MALRD1: variants seen among roughly 807,000 people sequenced by gnomAD.
MALRD1 encodes the protein MAM and LDL receptor class A domain containing 1.
In MALRD1, 247 loss-of-function variants were observed where a neutral mutation model predicts 242.1. The observed-to-expected ratio is 1.02, with a 90% CI of 0.92 to 1.13. The LOEUF is 1.13. Ranked by LOEUF, MALRD1 falls within the 50% of genes most tolerant of loss-of-function variation. MALRD1 has a pLI of 0.00. For missense variants in MALRD1, 2,989 were observed against 2,533.1 expected, an observed-to-expected ratio of 1.18 and a Z score of -3.86; for synonymous variants, 995 against 866.6, an observed-to-expected ratio of 1.15 and a Z score of -2.60.
At chr10:19,422,469 A>G (rs1056556301) in intron 28 of MALRD1, among the ~76,000 whole-genome samples, 27 of 152,220 alleles carry the variant, frequency 1.8e-4, no homozygotes, top group African/African-American at 6.3e-4. Context: ...GGCTAGTTAG[A>G]CAAAATGTAA....
intron 26 of MALRD1, among the ~76,000 whole-genome samples, chr10:19,364,730 T>C (rs1263271233): frequency 2.0e-5 from 3 of 152,164 alleles, no homozygotes; most frequent in Non-Finnish European, 4.4e-5. Context: ...CATATCCCAA[T>C]GAACTGAATT....
At chr10:19,235,058 CCA>C (rs1421673432) in intron 18 of MALRD1, among the ~76,000 whole-genome samples, 3 of 152,152 alleles carry the variant, frequency 2.0e-5, no homozygotes, top group African/African-American at 7.2e-5. Flanking sequence ...GAGGGCTAGA[CCA>C]GTAGCCAGAT....
chr10:19,373,407 T>A (rs1037982969), intron 26 of MALRD1, among the ~76,000 whole-genome samples: 1 of 151,894 alleles, frequency 6.6e-6, no homozygotes, highest in African/African-American at 2.4e-5. Context: ...TAATTCCAGC[T>A]ACTCTGGAGG....
intron 5 of MALRD1, 117 bp from the exon 6 acceptor site, chr10:19,123,375 T>G (rs182572716): frequency 2.0e-4 from 86 of 431,642 alleles, no homozygotes; most frequent in African/African-American, 1.7e-3. Context: ...GATGATACCA[T>G]AAAGAGAAAT....
At chr10:19,619,401 C>G (rs1839305644) in intron 36 of MALRD1, among the ~76,000 whole-genome samples, 1 of 152,010 alleles carries the variant, frequency 6.6e-6, no homozygotes, top group Non-Finnish European at 1.5e-5. Context: ...TCAGCCCTAG[C>G]TATCTAAAAA....
intron 33 of MALRD1, among the ~76,000 whole-genome samples, chr10:19,588,715 T>C (rs562944077): frequency 1.3e-5 from 2 of 152,334 alleles, no homozygotes; most frequent in Non-Finnish European, 2.9e-5. Context: ...CAACCTCTGC[T>C]CACTGCAACC....
At chr10:19,702,026 C>T (rs1191744206) in intron 38 of MALRD1, among the ~76,000 whole-genome samples, 2 of 151,928 alleles carry the variant, frequency 1.3e-5, no homozygotes, top group Non-Finnish European at 2.9e-5. Flanking sequence ...TGGCTTTGTC[C>T]TTTAGATTAA....
At chr10:19,459,663 A>G (rs1317627342) in intron 29 of MALRD1, among the ~76,000 whole-genome samples, 4 of 152,104 alleles carry the variant, frequency 2.6e-5, no homozygotes, top group African/African-American at 9.7e-5. Flanking sequence ...GTATTCAAGT[A>G]AACCATTTGT....
At chr10:19,048,189 A>G (rs539550460), upstream of MALRD1, among the ~76,000 whole-genome samples, 19 of 152,174 alleles carry the variant, frequency 1.2e-4, no homozygotes, top group Non-Finnish European at 2.8e-4. Context: ...AGGATATTTG[A>G]GCTCTAATTT....
At chr10:19,133,196 G>A (rs1833184061) in intron 8 of MALRD1, among the ~76,000 whole-genome samples, 3 of 152,062 alleles carry the variant, frequency 2.0e-5, no homozygotes. Flanking sequence ...GTAAAGGCTT[G>A]TTACTACACT....
chr10:19,222,248 A>C (rs1298376157), intron 18 of MALRD1, among the ~76,000 whole-genome samples: 1 of 152,040 alleles, frequency 6.6e-6, no homozygotes, highest in Non-Finnish European at 1.5e-5. Context: ...GATACTGCCA[A>C]GCCCCCTCAC....
At chr10:19,585,413 C>A (rs1159811727) in intron 33 of MALRD1, among the ~76,000 whole-genome samples, 1 of 151,980 alleles carries the variant, frequency 6.6e-6, no homozygotes, top group Non-Finnish European at 1.5e-5. Flanking sequence ...TCTTTTAGGG[C>A]AGGCCTGGTG....
intron 34 of MALRD1, among the ~76,000 whole-genome samples, chr10:19,597,919 T>G (rs942857199): frequency 2.0e-5 from 3 of 152,176 alleles, no homozygotes; most frequent in African/African-American, 7.2e-5. Flanking sequence ...TGAAGATTGT[T>G]GCAGGAGCAG....
chr10:19,502,510 T>C (rs1205218113), intron 31 of MALRD1, among the ~76,000 whole-genome samples: 1 of 152,156 alleles, frequency 6.6e-6, no homozygotes, highest in Non-Finnish European at 1.5e-5. Context: ...TTATAAAATC[T>C]TATTATAAAC....
At chr10:19,429,761 C>T (rs1401822627) in intron 28 of MALRD1, among the ~76,000 whole-genome samples, 2 of 152,170 alleles carry the variant, frequency 1.3e-5, no homozygotes, top group South Asian at 2.1e-4. Flanking sequence ...TTGATCAGTT[C>T]CATTAATGAA....
At position 19,136,711 on chromosome 10, in the gene MALRD1, C is replaced by T. The variant is rs903879816; in HGVS notation, c.1341C>T (p.Ile447=). Residue 447 remains isoleucine, a synonymous_variant, in exon 10 of 40, where the codon ATC becomes ATT. Transcript: ENST00000454679. ...TCCCTTGCACTAGTGGCCAGTGCAT[C>T]GCCAAAGAATCTGTCTGTGACTCTC... ...DEFPCTSGQC[I]AKESVCDSRQ... is the part of the protein sequence containing the mutation. The T allele has an allele frequency of 3.2e-6, 4 of 1,231,676 alleles. No individual in the cohort carries two copies. The highest frequency in any genetic ancestry group is 4.2e-5 in the Admixed American group (1 of 23,706). The allele number at this position is 1,231,676 out of a possible 1,614,324, so 76.3% of individuals were successfully genotyped here.
rs558041960 is a variant in MALRD1, at chr10:19,096,205, A to G, written c.598-7774A>G. On this transcript the variant is annotated intron_variant, in intron 4 of 39. Transcript: ENST00000454679. ...ACGTCCTTGTTTTGCTCAGCTTCCTATTCTCAAGTGATACATCCTGAGTTC... is the reference window on the plus strand; with the variant it reads ...ACGTCCTTGTTTTGCTCAGCTTCCTGTTCTCAAGTGATACATCCTGAGTTC... Among the ~76,000 whole-genome samples the G allele has an allele frequency of 1.1e-4, 17 of 152,246 alleles. 1 individual carries two copies. In the South Asian group the frequency reaches 2.9e-3, roughly 26 times the overall value.
intron 28 of MALRD1, among the ~76,000 whole-genome samples, chr10:19,401,740 T>G (rs993792265): frequency 6.6e-6 from 1 of 151,968 alleles, no homozygotes; most frequent in African/African-American, 2.4e-5. Flanking sequence ...ATAAAAAGCA[T>G]TAACACAACA....
chr10:19,731,660 C>A (rs1345230788), intron 39 of MALRD1, among the ~76,000 whole-genome samples: 2 of 152,134 alleles, frequency 1.3e-5, no homozygotes, highest in Non-Finnish European at 2.9e-5. Flanking sequence ...TCATTCCTTT[C>A]TTTTTATTTT....
Sources: allele counts gnomAD v4.1 joint callset (sites outside exome capture counted in the v4.1 genomes callset), GRCh38; gene constraint gnomAD v4.1.1; transcripts MANE v1.5; gene names NCBI Gene and HGNC (gene_info 2026-07-23, HGNC 2026-07-21).